The following SLC25A39 variants were observed in gnomAD, a reference collection of about 807,000 sequenced individuals.
The protein encoded by SLC25A39 is mitochondrial glutathione transporter SLC25A39.
SLC25A39 carries 44 observed loss-of-function variants against 46.6 expected under a neutral mutation model. The ratio of observed to expected loss-of-function variants is 0.94; its 90% CI spans 0.74 to 1.21. The LOEUF (loss-of-function observed/expected upper bound fraction) is 1.21. SLC25A39 is among the 50% of genes most tolerant of loss of function. SLC25A39 has a pLI of 0.00. For synonymous variants in SLC25A39, 218 were observed against 190.6 expected (o/e 1.14, Z -1.19); for missense variants, 487 against 473.0 (o/e 1.03, Z -0.28).
At chr17:44,320,975 T>C in intron 8 of SLC25A39, 83 bp downstream of exon 8, 1 of 1,450,956 alleles carries the variant, frequency 6.9e-7, no homozygotes, top group South Asian at 1.4e-5. Context: ...TGGTCACTAG[T>C]CACAAAGCTG....
At chr17:44,323,439 A>AGCCCCCCCCCCCCCCCC in intron 2 of SLC25A39, 39 bp downstream of exon 2, 8 of 257,040 alleles carry the variant, frequency 3.1e-5, no homozygotes, top group Non-Finnish European at 4.0e-5. Flanking sequence ...GGTCTGCCCC[A>AGCCCCCCCCCCCCCCCC]TCCCCACCCG....
Position 44,322,635 on chromosome 17 carries a change from G to A in SLC25A39, c.191-83C>T, listed in dbSNP as rs550068598. 4.5e-6 allele frequency: 7 copies of A among 1,572,176 alleles called. No individual in the cohort carries two copies. In the Admixed American group the frequency reaches 5.7e-5, roughly 13 times the overall value. On this transcript the variant is annotated intron_variant, in intron 4 of 11. Transcript: ENST00000377095. ...GTGGGCCCCTATCCCTGGAAGGCCA[G>A]TAAAGGCCAGGTCCCTGTGTGGATG...
At chr17:44,321,808 C>A in intron 5 of SLC25A39, 41 bp from the exon 6 acceptor site, 1 of 1,587,220 alleles carries the variant, frequency 6.3e-7, no homozygotes, top group Non-Finnish European at 8.6e-7. Context: ...AGGAGGGACA[C>A]AAGTGATGTC....
intron 8 of SLC25A39, 156 bp from the exon 9 acceptor site, chr17:44,320,887 C>G: frequency 1.0e-6 from 1 of 976,910 alleles, no homozygotes; most frequent in Non-Finnish European, 1.5e-6. Flanking sequence ...ATCTCCTGAC[C>G]GCCTGGGCAA....
Position 44,321,747 on chromosome 17 carries a change from C to A in SLC25A39, c.345G>T (p.Val115=), listed in dbSNP as rs201134759. 1.2e-6 allele frequency: 2 copies of A among 1,612,454 alleles called. No individual in the cohort carries two copies. Among genetic ancestry groups the A allele is most frequent in the Non-Finnish European group, 1.7e-6 (2 of 1,179,182 alleles). The change falls in exon 6 of 12, where the codon GTG becomes GTT. Residue 115 remains valine, a synonymous_variant. Coordinates refer to ENST00000377095, the MANE Select transcript of SLC25A39 (RefSeq NM_001143780.3). Reference sequence around the variant, plus strand: ...AGAGGGTCCTGGTGCCCTCGTGCCTCACGATCTTCACGAAGGCATCCTGGC... The same window carrying A: ...AGAGGGTCCTGGTGCCCTCGTGCCTAACGATCTTCACGAAGGCATCCTGGC... ...TGTMDAFVKI[V]RHEGTRTLWS...
chr17:44,319,965 C>A lies in SLC25A39; in HGVS notation c.*36G>T, dbSNP rs775228186. ...GGTCTCCTCCTGCCCTCTCCCCATCCGTGGGAGAGACGGGGTCCTTGCCTC... is the reference window on the plus strand; with the variant it reads ...GGTCTCCTCCTGCCCTCTCCCCATCAGTGGGAGAGACGGGGTCCTTGCCTC... On this transcript the variant is annotated 3_prime_UTR_variant, in exon 12 of 12. Transcript: ENST00000377095. The A allele has an allele frequency of 6.3e-7, 1 of 1,585,396 alleles. No individual in the cohort carries two copies. Among genetic ancestry groups the A allele is most frequent in the Non-Finnish European group, 8.7e-7 (1 of 1,154,588 alleles).
chr17:44,323,521 T>C lies in SLC25A39; in HGVS notation c.42A>G (p.Gln14=), dbSNP rs149479473. Residue 14 remains glutamine (Q), a synonymous_variant, in exon 2 of 12, where the codon CAA becomes CAG. Transcript: ENST00000377095. ...QDPAGISPLQ[Q]MVASGTGAVV... ...CAGCCCCGGTGCCTGAGGCCACCAT[T>C]TGCTGGAGGGGGCTGATGCCCGCAG... 2.4e-4 allele frequency: 372 copies of C among 1,532,338 alleles called. No individual in the cohort carries two copies. The highest frequency in any genetic ancestry group is 2.1e-3 in the African/African-American group (147 of 69,872). The allele number at this position is 1,532,338 out of a possible 1,614,324, so 94.9% of individuals were successfully genotyped here.
chr17:44,320,490 T>C (rs528148193), intron 9 of SLC25A39, 54 bp from the exon 10 acceptor site: 1 of 1,603,360 alleles, frequency 6.2e-7, no homozygotes, highest in Non-Finnish European at 8.5e-7. Flanking sequence ...CCCCCACCCC[T>C]ACCTCCCAGA....
chr17:44,322,897 C>T (rs755116855), intron 3 of SLC25A39, 45 bp from the exon 4 acceptor site: 10 of 1,592,880 alleles, frequency 6.3e-6, no homozygotes, highest in South Asian at 1.1e-5. Context: ...CCCCCACCCG[C>T]CCTAGGGACC....
intron 1 of SLC25A39, 27 bp from the exon 2 acceptor site, chr17:44,323,604 C>T (rs376416371): frequency 6.7e-7 from 1 of 1,494,646 alleles, no homozygotes; most frequent in Non-Finnish European, 9.1e-7. Context: ...AAACAGACCA[C>T]AACTCCAGGG....
rs2048108330 is a variant in SLC25A39, at chr17:44,323,190, T to C, written c.145+94A>G. On this transcript the variant is annotated intron_variant, in intron 3 of 11. Coordinates refer to ENST00000377095, the MANE Select transcript of SLC25A39 (RefSeq NM_001143780.3). The stretch of plus-strand genomic sequence containing the variant: ...CACCCACCTCAGCCTCCCAAAGCGC[T>C]GGGATTACAGGTATGAGAAACCACG... 19 of 1,479,548 alleles carry C rather than the reference T, an allele frequency of 1.3e-5. No individual in the cohort carries two copies. The South Asian group carries it at 2.0e-4, about 15-fold the overall frequency. 91.7% of individuals were successfully genotyped at this position (1,479,548 alleles called of 1,614,324 possible).
rs1055652678 is a variant in SLC25A39, at chr17:44,324,768, G to T, written c.-73C>A. 6.6e-6 allele frequency: 1 copy of T among 152,098 alleles called. No homozygotes were observed. Among genetic ancestry groups the T allele is most frequent in the African/African-American group, 2.4e-5 (1 of 41,418 alleles). 9.4% of individuals were successfully genotyped at this position (152,098 alleles called of 1,614,324 possible). ...GCCCAGGGTCAGGCGGGCCCATACC[G>T]GCTCCGCCGCCTGTGCGCGGTCCGC... On this transcript the variant is annotated 5_prime_UTR_variant, in exon 1 of 12. Transcript: ENST00000377095.
chr17:44,321,639 C>T, intron 6 of SLC25A39, 61 bp downstream of exon 6: 1 of 1,607,054 alleles, frequency 6.2e-7, no homozygotes, highest in South Asian at 1.1e-5. Flanking sequence ...CCTAGCCATT[C>T]AACAGGGAGC....
chr17:44,320,805 C>T, intron 8 of SLC25A39, 74 bp from the exon 9 acceptor site: 1 of 1,178,084 alleles, frequency 8.5e-7, no homozygotes, highest in Non-Finnish European at 1.2e-6. Context: ...CCTTTCACTG[C>T]CACCACTCCC....
Position 44,321,119 on chromosome 17 carries a change from AC to A in SLC25A39, c.629del (p.Gly210ValfsTer31). ...GACVRTAVAQ[G>X]GWRSLWLGWG... ...AGCCCAGCCACAGTGAGCGCCAGCC[AC>A]CCTGAGCCACTGCAGTTCGAACACA... On this transcript the variant is annotated frameshift_variant, in exon 8 of 12. Transcript: ENST00000377095. LOFTEE classifies it high-confidence loss of function. The A allele has an allele frequency of 2.5e-6, 4 of 1,612,658 alleles. No homozygotes were observed. The highest frequency in any genetic ancestry group is 3.4e-6 in the Non-Finnish European group (4 of 1,179,852).
chr17:44,320,735 G>A lies in SLC25A39; in HGVS notation c.692-4C>T. The A allele has an allele frequency of 6.2e-7, 1 of 1,609,968 alleles. No individual in the cohort carries two copies. Among genetic ancestry groups the A allele is most frequent in the Non-Finnish European group, 8.5e-7 (1 of 1,176,552 alleles). Reference sequence around the variant, plus strand: ...TCATAGTTGAACCAGTACAGGGCTTGGGGTGGGGGATGCACTGATTAGAGA... The same window carrying A: ...TCATAGTTGAACCAGTACAGGGCTTAGGGTGGGGGATGCACTGATTAGAGA... On this transcript the variant is annotated splice_region_variant and splice_polypyrimidine_tract_variant and intron_variant, in intron 8 of 11. Transcript: ENST00000377095.
In SLC25A39 at chr17:44,322,387, G is replaced by A. The variant is rs763956410; in HGVS notation, c.324+32C>T. 47 of 1,613,116 alleles carry A rather than the reference G, an allele frequency of 2.9e-5. 1 individual carries two copies. The highest frequency in any genetic ancestry group is 1.6e-4 in the South Asian group (15 of 91,042). On this transcript the variant is annotated intron_variant, in intron 5 of 11. Coordinates refer to ENST00000377095, the MANE Select transcript of SLC25A39 (RefSeq NM_001143780.3). ...CCAGACCGAACTCCTCACGGACACC[G>A]ACGAATCCCTACGGACCCAGCTGCT...
chr17:44,321,144 C>A lies in SLC25A39; in HGVS notation c.605G>T (p.Cys202Phe), dbSNP rs1389825167. 3 of 1,612,800 alleles carry A rather than the reference C, an allele frequency of 1.9e-6. No individual in the cohort carries two copies. Among genetic ancestry groups the A allele is most frequent in the Non-Finnish European group, 2.5e-6 (3 of 1,179,948 alleles). The change falls in exon 8 of 12, where the codon TGT (cysteine) becomes TTT (phenylalanine). Residue 202 changes from cysteine (C) to phenylalanine (F), a missense_variant. Transcript: ENST00000377095. ...ACCCTGAGCCACTGCAGTTCGAACACAGGCACCCAGCTCCCGGTACGACAC... is the reference window on the plus strand; with the variant it reads ...ACCCTGAGCCACTGCAGTTCGAACAAAGGCACCCAGCTCCCGGTACGACAC... ...QHVSYRELGA[C>F]VRTAVAQGGW... is the part of the protein sequence containing the mutation.
At chr17:44,323,439 A>ACACCCCCCCCCCCCCCC in intron 2 of SLC25A39, 39 bp downstream of exon 2, 2 of 257,104 alleles carry the variant, frequency 7.8e-6, no homozygotes, top group Non-Finnish European at 1.1e-5. Context: ...GGTCTGCCCC[A>ACACCCCCCCCCCCCCCC]TCCCCACCCG....
Sources: gnomAD v4.1 joint callset for allele counts on GRCh38, gnomAD v4.1.1 for gene constraint, MANE v1.5 for transcripts, NCBI Gene and HGNC (gene_info 2026-07-23, HGNC 2026-07-21) for gene names.